The following PYHIN1 variants were observed in gnomAD, a reference collection of about 807,000 sequenced individuals.
The protein encoded by PYHIN1 is pyrin and HIN domain family member 1.
PYHIN1 carries 32 observed loss-of-function variants against 43.7 expected under a neutral mutation model. The ratio of observed to expected loss-of-function variants is 0.73; its 90% CI spans 0.55 to 0.98. PYHIN1 has a LOEUF of 0.98. Ranked by LOEUF, PYHIN1 falls within the 50% of genes least tolerant of loss-of-function variation. The pLI is 0.00. For synonymous variants in PYHIN1, 205 were observed against 203.1 expected, an observed-to-expected ratio of 1.01 and a Z score of -0.08; for missense variants, 588 against 589.5, an observed-to-expected ratio of 1.00 and a Z score of 0.03.
intron 7 of PYHIN1, 109 bp from the exon 8 acceptor site, chr1:158,973,526 CACACACACACAT>C (rs1351929183): frequency 1.7e-5 from 16 of 940,324 alleles, no homozygotes; most frequent in Non-Finnish European, 2.3e-5. Context: ...CACACACACA[CACACACACACAT>C]ATACACACAT....
intron 7 of PYHIN1, among the ~76,000 whole-genome samples, chr1:158,960,545 C>T (rs10752628): frequency 0.49 from 73,964 of 151,938 alleles, 19,385 homozygotes; most frequent in Non-Finnish European, 0.6. Context: ...AACTACCACC[C>T]GAAAAAAAGA....
intron 7 of PYHIN1, among the ~76,000 whole-genome samples, chr1:158,946,710 G>A (rs1314249072): frequency 6.6e-6 from 1 of 152,154 alleles, no homozygotes; most frequent in Non-Finnish European, 1.5e-5. Context: ...TCAGAGTGAA[G>A]TTTGTAATTC....
At chr1:158,970,981 T>C (rs1429007562) in intron 7 of PYHIN1, among the ~76,000 whole-genome samples, 1 of 152,070 alleles carries the variant, frequency 6.6e-6, no homozygotes, top group African/African-American at 2.4e-5. Flanking sequence ...CTTAGTCAAC[T>C]AAAAAGTTTT....
intron 7 of PYHIN1, among the ~76,000 whole-genome samples, chr1:158,951,984 G>A (rs767599798): frequency 3.3e-5 from 5 of 152,106 alleles, no homozygotes; most frequent in African/African-American, 7.2e-5. Flanking sequence ...CTGGGATGTC[G>A]CTTGTATACA....
intron 7 of PYHIN1, among the ~76,000 whole-genome samples, chr1:158,965,679 T>C (rs906136729): frequency 1.2e-4 from 18 of 152,186 alleles, no homozygotes; most frequent in African/African-American, 4.3e-4. Context: ...AAAGAAATTC[T>C]TTGAAACTAA....
the PYHIN1 span, among the ~76,000 whole-genome samples, chr1:158,990,507 C>T: frequency 6.6e-6 from 1 of 152,150 alleles, no homozygotes; most frequent in Non-Finnish European, 1.5e-5. Context: ...TCACAGCCAA[C>T]ATTTTTGTCA....
At chr1:158,951,515 GCTCT>G (rs1257253813) in intron 7 of PYHIN1, among the ~76,000 whole-genome samples, 7 of 152,158 alleles carry the variant, frequency 4.6e-5, no homozygotes, top group Non-Finnish European at 7.3e-5. Context: ...CCCAATCTCA[GCTCT>G]CTAAGTGCTA....
intron 7 of PYHIN1, among the ~76,000 whole-genome samples, chr1:158,967,292 C>T (rs1187795899): frequency 2.6e-5 from 4 of 151,868 alleles, no homozygotes; most frequent in African/African-American, 7.3e-5. Flanking sequence ...ATCCATTTTT[C>T]TCATAATCTT....
rs768572336 is a variant in PYHIN1 at position 158,943,988 on chromosome 1, A to G, written c.1191+10A>G. ...GCATAGTTTCATCCAGGTGAGAAAT[A>G]AAGAAACAAATATTAGTTTTCCAAA... On this transcript the variant is annotated intron_variant, in intron 6 of 8. Coordinates refer to ENST00000368140, the MANE Select transcript of PYHIN1 (RefSeq NM_152501.5). 3 of 1,560,262 alleles carry G rather than the reference A, an allele frequency of 1.9e-6. No individual in the cohort carries two copies. In the South Asian group the frequency reaches 3.6e-5, roughly 19 times the overall value.
intron 1 of PYHIN1, among the ~76,000 whole-genome samples, chr1:158,932,325 A>G (rs748678534): frequency 2.5e-4 from 38 of 152,272 alleles, no homozygotes; most frequent in Admixed American, 1.0e-3. Context: ...TGGGAGCAGT[A>G]TGTGGGTTGG....
intron 7 of PYHIN1, among the ~76,000 whole-genome samples, chr1:158,963,895 A>C (rs1366708267): frequency 6.6e-6 from 1 of 152,250 alleles, no homozygotes; most frequent in Non-Finnish European, 1.5e-5. Flanking sequence ...GAAATGGCTG[A>C]AATGACAGAA....
At chr1:158,978,829 C>T (rs1651390566), downstream of PYHIN1, among the ~76,000 whole-genome samples, 1 of 152,142 alleles carries the variant, frequency 6.6e-6, no homozygotes, top group Non-Finnish European at 1.5e-5. Flanking sequence ...CTTGACCCCA[C>T]TCTATCTTAT....
At chr1:158,983,502 G>T in the PYHIN1 span, among the ~76,000 whole-genome samples, 1 of 152,026 alleles carries the variant, frequency 6.6e-6, no homozygotes, top group Non-Finnish European at 1.5e-5. Flanking sequence ...CTTGATCATG[G>T]TGGCTTAGCT....
intron 7 of PYHIN1, among the ~76,000 whole-genome samples, chr1:158,952,701 C>A (rs1649628980): frequency 6.6e-6 from 1 of 152,180 alleles, no homozygotes; most frequent in Admixed American, 6.5e-5. Flanking sequence ...TTACTGGGAC[C>A]CATTGCCCTT....
chr1:158,946,990 A>G (rs1329699873), intron 7 of PYHIN1, among the ~76,000 whole-genome samples: 1 of 152,134 alleles, frequency 6.6e-6, no homozygotes, highest in East Asian at 1.9e-4. Context: ...TCATTTCCAT[A>G]TGGGTTCCAG....
intron 3 of PYHIN1, 125 bp from the exon 4 acceptor site, chr1:158,938,955 G>A (rs776136828): frequency 2.3e-4 from 149 of 658,702 alleles, no homozygotes; most frequent in Non-Finnish European, 3.0e-4. Context: ...CAATTGGCCT[G>A]GGGATGTACT....
Position 158,942,138 on chromosome 1 carries a change from A to C in PYHIN1, c.741A>C (p.Thr247=), listed in dbSNP as rs372441404. The change falls in exon 5 of 9, where the codon ACA becomes ACC. Residue 247 remains threonine, a synonymous_variant. Transcript: ENST00000368140. ...RMFHATVATQ[T]QFFHVKVLNI... is the part of the protein sequence containing the mutation. Reference sequence around the variant, plus strand: ...TTCATGCTACAGTGGCTACGCAGACACAGTTCTTTCATGTGAAGGTTTTAA... The same window carrying C: ...TTCATGCTACAGTGGCTACGCAGACCCAGTTCTTTCATGTGAAGGTTTTAA... 5.0e-6 allele frequency: 8 copies of C among 1,614,174 alleles called. No individual in the cohort carries two copies. In the African/African-American group the frequency reaches 9.3e-5, roughly 19 times the overall value.
At chr1:158,973,950 C>T (rs12071289) in intron 8 of PYHIN1, among the ~76,000 whole-genome samples, 179 bp downstream of exon 8, 19,264 of 152,020 alleles carry the variant, frequency 0.13, 1,346 homozygotes, top group African/African-American at 0.16. Context: ...TCCTTCAATA[C>T]TCACAAAATA....
chr1:158,974,787 G>A (rs1274581739), intron 8 of PYHIN1, among the ~76,000 whole-genome samples: 4 of 151,902 alleles, frequency 2.6e-5, no homozygotes, highest in African/African-American at 4.8e-5. Context: ...GAGAGTCAAA[G>A]CTAGCACGTC....
Sources: allele counts gnomAD v4.1 joint callset (sites outside exome capture counted in the v4.1 genomes callset), GRCh38; gene constraint gnomAD v4.1.1; transcripts MANE v1.5; gene names NCBI Gene and HGNC (gene_info 2026-07-23, HGNC 2026-07-21).